Variants in PRDM5 observed in about 807,000 individuals in gnomAD.
The protein encoded by PRDM5 is PR domain zinc finger protein 5.
Under a neutral mutation model 81.2 loss-of-function variants are expected in PRDM5, and 56 were observed. The ratio of observed to expected loss-of-function variants is 0.69; its 90% CI spans 0.56 to 0.86. PRDM5 has a LOEUF of 0.86. Ranked by LOEUF, PRDM5 falls within the 40% of genes least tolerant of loss-of-function variation. PRDM5 has a pLI of 0.00. For synonymous variants in PRDM5, 267 were observed against 256.4 expected (o/e 1.04, Z -0.39); for missense variants, 697 against 770.1 (o/e 0.91, Z 1.12).
chr4:120,820,716 C>A (rs188965727), intron 4 of PRDM5, among the ~76,000 whole-genome samples: 1 of 152,236 alleles, frequency 6.6e-6, no homozygotes, highest in Non-Finnish European at 1.5e-5. Context: ...AGGAATCAAT[C>A]CCCTTCGGAT....
At chr4:120,904,279 T>C (rs1337908338) in intron 2 of PRDM5, among the ~76,000 whole-genome samples, 1 of 135,144 alleles carries the variant, frequency 7.4e-6, no homozygotes, top group Non-Finnish European at 1.5e-5. Context: ...AACAGACTAA[T>C]ACAATGGCTG....
intron 2 of PRDM5, among the ~76,000 whole-genome samples, chr4:120,865,200 G>GA (rs1294847094): frequency 6.6e-6 from 1 of 152,214 alleles, no homozygotes; most frequent in East Asian, 1.9e-4. Context: ...CAAGTGGGGA[G>GA]AAATTCTTCA....
chr4:120,885,212 G>A (rs1185978621), intron 2 of PRDM5, among the ~76,000 whole-genome samples: 2 of 151,328 alleles, frequency 1.3e-5, no homozygotes, highest in African/African-American at 4.9e-5. Flanking sequence ...CATATTAGAG[G>A]AGATCTACTA....
At chr4:120,713,147 A>T (rs1578445032) in intron 14 of PRDM5, among the ~76,000 whole-genome samples, 1 of 152,300 alleles carries the variant, frequency 6.6e-6, no homozygotes. Flanking sequence ...CAAATTTTAA[A>T]CTATTATGCT....
chr4:120,781,287 C>T lies in PRDM5; in HGVS notation c.1299G>A (p.Lys433=). 3.1e-6 allele frequency: 5 copies of T among 1,612,990 alleles called. No individual in the cohort carries two copies. Among genetic ancestry groups the T allele is most frequent in the Non-Finnish European group, 4.2e-6 (5 of 1,179,324 alleles). The change falls in exon 12 of 16, where the codon AAG becomes AAA. Residue 433 remains lysine (K), a synonymous_variant. Coordinates refer to ENST00000264808, the MANE Select transcript of PRDM5 (RefSeq NM_018699.4). ...LLIHNSERTF[K]CHHCDATFKR... ...TAAAGGTAGCATCGCAGTGATGGCACTTGAAAGTCCTCTCACCTTAGAAAC... is the reference window on the plus strand; with the variant it reads ...TAAAGGTAGCATCGCAGTGATGGCATTTGAAAGTCCTCTCACCTTAGAAAC...
At chr4:120,710,024 C>T (rs1364262717) in intron 15 of PRDM5, among the ~76,000 whole-genome samples, 1 of 152,094 alleles carries the variant, frequency 6.6e-6, no homozygotes, top group Non-Finnish European at 1.5e-5. Flanking sequence ...GCTTTTACAC[C>T]TTGGAAGAAC....
At chr4:120,860,128 T>C (rs1022352122) in intron 2 of PRDM5, among the ~76,000 whole-genome samples, 3 of 152,204 alleles carry the variant, frequency 2.0e-5, no homozygotes, top group African/African-American at 7.2e-5. Flanking sequence ...AAGACAAGTA[T>C]AACTGAAGAA....
intron 8 of PRDM5, among the ~76,000 whole-genome samples, chr4:120,803,350 C>A (rs1388126130): frequency 7.2e-5 from 11 of 152,078 alleles, no homozygotes; most frequent in Non-Finnish European, 2.9e-5. Context: ...TCAGGAAATA[C>A]AGACACACCA....
At chr4:120,865,508 G>C (rs980377905) in intron 2 of PRDM5, among the ~76,000 whole-genome samples, 3 of 150,342 alleles carry the variant, frequency 2.0e-5, no homozygotes, top group Admixed American at 1.3e-4. Flanking sequence ...TAAGTGACTG[G>C]GTTACCACCA....
At chr4:120,893,647 G>T (rs903583073) in intron 2 of PRDM5, among the ~76,000 whole-genome samples, 8 of 152,144 alleles carry the variant, frequency 5.3e-5, no homozygotes, top group African/African-American at 1.9e-4. Flanking sequence ...CAGGTTATTT[G>T]TTCCTGTTTA....
intron 8 of PRDM5, among the ~76,000 whole-genome samples, chr4:120,809,430 T>C (rs1217391621): frequency 6.6e-6 from 1 of 152,034 alleles, no homozygotes. Flanking sequence ...AAATGCTTAA[T>C]AAAAAGATCA....
chr4:120,746,162 G>GAAAA, intron 14 of PRDM5, among the ~76,000 whole-genome samples: 1 of 12,360 alleles, frequency 8.1e-5, no homozygotes. Flanking sequence ...TGACAAACCT[G>GAAAA]ACAAAAACAA....
chr4:120,730,458 TC>T (rs1479807382), intron 14 of PRDM5, among the ~76,000 whole-genome samples: 1 of 152,186 alleles, frequency 6.6e-6, no homozygotes, highest in Non-Finnish European at 1.5e-5. Flanking sequence ...GTTCTTGAAA[TC>T]CATTAATGGG....
chr4:120,721,987 G>A (rs1738679338), intron 14 of PRDM5, among the ~76,000 whole-genome samples: 6 of 152,194 alleles, frequency 3.9e-5, no homozygotes, highest in Admixed American at 3.3e-4. Flanking sequence ...TTTGCAGAGG[G>A]ACAGAGGGGA....
At chr4:120,816,036 G>GA in intron 7 of PRDM5, 1 of 217,658 alleles carries the variant, frequency 4.6e-6, no homozygotes, top group Admixed American at 5.3e-5. Context: ...TAACTTAGGA[G>GA]AACTGTATTT....
chr4:120,912,886 T>C (rs527583572), intron 1 of PRDM5, among the ~76,000 whole-genome samples: 1 of 152,246 alleles, frequency 6.6e-6, no homozygotes, highest in East Asian at 1.9e-4. Flanking sequence ...GAGACTAGAG[T>C]CCCCACTTAG....
chr4:120,879,061 T>G (rs1257736700), intron 2 of PRDM5, among the ~76,000 whole-genome samples: 1 of 152,178 alleles, frequency 6.6e-6, no homozygotes, highest in Admixed American at 6.5e-5. Context: ...AGTTGAAAAT[T>G]TATGTCCACA....
intron 3 of PRDM5, chr4:120,838,996 C>A (rs1757684816): frequency 3.7e-6 from 2 of 543,452 alleles, no homozygotes; most frequent in South Asian, 2.6e-5. Context: ...CAGCTCTCTG[C>A]CAGGCTGCAG....
chr4:120,862,891 G>A (rs900827066), intron 2 of PRDM5, among the ~76,000 whole-genome samples: 12 of 152,030 alleles, frequency 7.9e-5, no homozygotes, highest in Non-Finnish European at 8.8e-5. Context: ...AAGTGCAGTA[G>A]CTCACGCCTG....
Sources: allele counts gnomAD v4.1 joint callset (sites outside exome capture counted in the v4.1 genomes callset), GRCh38; gene constraint gnomAD v4.1.1; transcripts MANE v1.5; gene names NCBI Gene and HGNC (gene_info 2026-07-23, HGNC 2026-07-21).